The following NUP160 variants were observed in gnomAD, a reference collection of about 807,000 sequenced individuals.
NUP160 encodes nuclear pore complex protein Nup160.
NUP160 carries 94 observed loss-of-function variants against 196.9 expected under a neutral mutation model. The ratio of observed to expected loss-of-function variants is 0.48; its 90% confidence interval spans 0.40 to 0.57. The LOEUF (loss-of-function observed/expected upper bound fraction) is 0.57, where lower values mean the gene tolerates loss of function less well. Ranked by LOEUF, NUP160 falls within the 20% of genes least tolerant of loss-of-function variation. NUP160 has a pLI of 0.00. For missense variants in NUP160, 1,638 were observed against 1,748.3 expected (o/e 0.94, Z 1.13); for synonymous variants, 605 against 619.7 (o/e 0.98, Z 0.35).
intron 11 of NUP160, among the ~76,000 whole-genome samples, chr11:47,816,323 G>A (rs1344784870): frequency 6.6e-6 from 1 of 152,200 alleles, no homozygotes; most frequent in Non-Finnish European, 1.5e-5. Flanking sequence ...AGTGGTCAGT[G>A]GAGGTAGAGA....
intron 2 of NUP160, among the ~76,000 whole-genome samples, chr11:47,845,524 C>A (rs1307598112): frequency 2.0e-5 from 3 of 152,180 alleles, no homozygotes; most frequent in Non-Finnish European, 4.4e-5. Context: ...CAAGAACCCT[C>A]CCTTGGGGTC....
chr11:47,798,784 C>T (rs567588578), intron 23 of NUP160, among the ~76,000 whole-genome samples: 1 of 152,042 alleles, frequency 6.6e-6, no homozygotes, highest in East Asian at 1.9e-4. Flanking sequence ...GAACTTTAAT[C>T]CTGCCACTGC....
exon 1 of NUP160, chr11:47,848,392 G>A (rs1852449415): frequency 6.2e-7 from 1 of 1,600,552 alleles, no homozygotes; most frequent in African/African-American, 1.3e-5. Context: ...CGGGGGTGGG[G>A]CGGGCGGAGC....
intron 34 of NUP160, among the ~76,000 whole-genome samples, chr11:47,781,461 C>G (rs2097660795): frequency 6.6e-6 from 1 of 151,938 alleles, no homozygotes; most frequent in South Asian, 2.1e-4. Flanking sequence ...TAAAGGTTCT[C>G]ACTATGTTGC....
chr11:47,837,541 T>C lies in NUP160; in HGVS notation c.827+4A>G. ...CTTTGATTTACCTGCCAGACACCAC[T>C]CACCTGATAGCTGTTGGCATCCAGC... On this transcript the variant is annotated splice_donor_region_variant and intron_variant, in intron 5 of 35. Coordinates refer to ENST00000378460, the Ensembl canonical transcript of NUP160. 1 of 1,613,064 alleles carries C rather than the reference T, an allele frequency of 6.2e-7. No individual in the cohort carries two copies. Among genetic ancestry groups the C allele is most frequent in the Non-Finnish European group, 8.5e-7 (1 of 1,179,060 alleles).
At chr11:47,789,451 T>C (rs1282767457) in intron 29 of NUP160, among the ~76,000 whole-genome samples, 1 of 152,112 alleles carries the variant, frequency 6.6e-6, no homozygotes, top group Non-Finnish European at 1.5e-5. Flanking sequence ...ATCATGCCTC[T>C]GTGGAAATAG....
intron 8 of NUP160, 124 bp from the exon 9 acceptor site, chr11:47,821,945 T>C (rs560811220): frequency 1.0e-6 from 1 of 991,990 alleles, no homozygotes; most frequent in Non-Finnish European, 1.5e-6. Context: ...CACATGAATT[T>C]GGTAAAGTCT....
chr11:47,831,530 A>G (rs1852071769), intron 7 of NUP160, among the ~76,000 whole-genome samples: 1 of 152,160 alleles, frequency 6.6e-6, no homozygotes, highest in Non-Finnish European at 1.5e-5. Context: ...AAATCATAAC[A>G]GTGAGAAAAT....
chr11:47,846,226 C>T (rs1362402585), intron 2 of NUP160, among the ~76,000 whole-genome samples: 2 of 151,970 alleles, frequency 1.3e-5, no homozygotes, highest in African/African-American at 4.8e-5. Flanking sequence ...ATCCTCCCAC[C>T]TCAGCCCCCC....
chr11:47,822,094 G>A, exon 8 of NUP160: 1 of 1,602,976 alleles, frequency 6.2e-7, no homozygotes, highest in Non-Finnish European at 8.5e-7. Context: ...TACCTGAGAA[G>A]TGAACAGTGA....
chr11:47,781,786 GT>G (rs1330328075), intron 34 of NUP160, among the ~76,000 whole-genome samples: 1 of 152,094 alleles, frequency 6.6e-6, no homozygotes, highest in Non-Finnish European at 1.5e-5. Flanking sequence ...ATACCATTTT[GT>G]TTATCTCTCT....
At chr11:47,825,604 C>T (rs1851951660) in intron 7 of NUP160, among the ~76,000 whole-genome samples, 1 of 152,130 alleles carries the variant, frequency 6.6e-6, no homozygotes, top group African/African-American at 2.4e-5. Context: ...CAGGCACGCA[C>T]TACCATGCCC....
chr11:47,837,787 T>C (rs1036481443), intron 4 of NUP160, among the ~76,000 whole-genome samples, 164 bp from the exon 5 acceptor site: 1 of 152,230 alleles, frequency 6.6e-6, no homozygotes, highest in African/African-American at 2.4e-5. Flanking sequence ...ACCTAAAATA[T>C]TTTGAATCAT....
At chr11:47,845,377 T>G (rs955278604) in intron 2 of NUP160, among the ~76,000 whole-genome samples, 4 of 152,170 alleles carry the variant, frequency 2.6e-5, no homozygotes, top group African/African-American at 4.8e-5. Flanking sequence ...TGACCTCAGG[T>G]GATCCACCTG....
At chr11:47,814,070 C>CA (rs5791787) in intron 13 of NUP160, among the ~76,000 whole-genome samples, 31,449 of 39,336 alleles carry the variant, frequency 0.8, 13,820 homozygotes, top group Non-Finnish European at 0.94. Context: ...GACTCTGTCT[C>CA]AAAAAAAAAA....
chr11:47,823,211 A>G (rs1364666350), intron 7 of NUP160, among the ~76,000 whole-genome samples: 2 of 152,220 alleles, frequency 1.3e-5, no homozygotes, highest in Non-Finnish European at 1.5e-5. Context: ...ATGTAGTAAA[A>G]TACACATAAC....
intron 7 of NUP160, among the ~76,000 whole-genome samples, chr11:47,826,262 C>T (rs1278253512): frequency 6.6e-6 from 1 of 152,164 alleles, no homozygotes; most frequent in Non-Finnish European, 1.5e-5. Flanking sequence ...TATGCACCAT[C>T]AGGCCCAGCC....
At chr11:47,779,929 T>C (rs932398526) in intron 35 of NUP160, among the ~76,000 whole-genome samples, 1 of 152,166 alleles carries the variant, frequency 6.6e-6, no homozygotes, top group Admixed American at 6.6e-5. Context: ...AATTTCACCA[T>C]GTTGGCAAAG....
At chr11:47,808,506 G>A in exon 18 of NUP160, 1 of 1,614,040 alleles carries the variant, frequency 6.2e-7, no homozygotes, top group Non-Finnish European at 8.5e-7. Context: ...GAGCTTGAAA[G>A]AGCTGACCAG....
Sources: allele counts gnomAD v4.1 joint callset (sites outside exome capture counted in the v4.1 genomes callset), GRCh38; gene constraint gnomAD v4.1.1; transcripts MANE v1.5; gene names NCBI Gene and HGNC (gene_info 2026-07-23, HGNC 2026-07-21).